Variants in ETV6 observed in about 807,000 individuals in gnomAD.
The protein encoded by ETV6 is ETS variant transcription factor 6.
A neutral mutation model predicts 51.1 loss-of-function variants in ETV6; 16 were observed. The observed-to-expected ratio is 0.31, with a 90% CI of 0.21 to 0.48. The LOEUF is 0.48. ETV6 is among the 20% of genes least tolerant of loss of function. The pLI is 0.99. For missense variants in ETV6, 458 were observed against 594.8 expected (o/e 0.77, Z 2.39); for synonymous variants, 240 against 224.1 (o/e 1.07, Z -0.64).
rs929795075 is a variant in ETV6, at chr12:11,873,580, A to C, written c.1009+3611A>C. The stretch of plus-strand genomic sequence containing the variant: ...GCTGAATGTCAAACTGATGAGTACT[A>C]TAGCTGGAGGGTATAGATGGAAATA... On this transcript the variant is annotated intron_variant, in intron 5 of 7. Coordinates refer to ENST00000396373, the MANE Select transcript of ETV6 (RefSeq NM_001987.5). 3.5e-5 allele frequency among the ~76,000 whole-genome samples: 4 copies of C among 114,522 alleles called. 2 individuals are homozygous for C. Among genetic ancestry groups the C allele is most frequent in the African/African-American group, 1.3e-4 (4 of 29,926 alleles). 75.1% of individuals were successfully genotyped at this position (114,522 alleles called of 152,430 possible). A position where few individuals can be genotyped will look rare whatever the true frequency, so the allele number is the denominator to read the frequency against.
chr12:11,683,020 T>C (rs1358540898), intron 1 of ETV6, among the ~76,000 whole-genome samples: 1 of 152,356 alleles, frequency 6.6e-6, no homozygotes, highest in Admixed American at 6.5e-5. Flanking sequence ...TACTTAAAGA[T>C]TCCTCCTTGA....
At chr12:11,796,651 G>A (rs11831325) in intron 2 of ETV6, among the ~76,000 whole-genome samples, 1,549 of 152,294 alleles carry the variant, frequency 0.01, 27 homozygotes, top group African/African-American at 0.035. Context: ...CTGTCCATGC[G>A]TGGGGCCGAT....
intron 1 of ETV6, among the ~76,000 whole-genome samples, chr12:11,714,788 C>T (rs922503140): frequency 7.9e-5 from 12 of 151,902 alleles, no homozygotes; most frequent in African/African-American, 2.7e-4. Context: ...AGGGCAGGGG[C>T]ATGTGAGTTG....
intron 1 of ETV6, among the ~76,000 whole-genome samples, chr12:11,726,740 A>G (rs1429195258): frequency 6.6e-6 from 1 of 152,230 alleles, no homozygotes; most frequent in Non-Finnish European, 1.5e-5. Context: ...ACTGCACTCC[A>G]GCCTGGGTGA....
chr12:11,791,158 A>G (rs2136386483), intron 2 of ETV6, among the ~76,000 whole-genome samples: 1 of 152,220 alleles, frequency 6.6e-6, no homozygotes, highest in South Asian at 2.1e-4. Flanking sequence ...TGGGTTTGCT[A>G]AGTAAATTAC....
chr12:11,752,751 T>A, intron 2 of ETV6, 172 bp downstream of exon 2: 1 of 677,396 alleles, frequency 1.5e-6, no homozygotes. Context: ...TTGAAAAATT[T>A]GAGGTTCCTG....
At position 11,797,217 on chromosome 12, in the gene ETV6, C is replaced by CAAA. The variant is rs1491265081; in HGVS notation, c.164-41923_164-41922insAAA. 4.7e-3 allele frequency among the ~76,000 whole-genome samples: 710 copies of CAAA among 152,186 alleles called. 8 individuals carry two copies. The highest frequency in any genetic ancestry group is 0.016 in the African/African-American group (669 of 41,506). On this transcript the variant is annotated intron_variant, in intron 2 of 7. Transcript: ENST00000396373. ...CATTATTTTTATTCAGACAGTGTAC[C>CAAA]TAGCAATAGTCCCGGCACTGGGAAC...
chr12:11,838,438 T>G (rs1325954558), intron 2 of ETV6, among the ~76,000 whole-genome samples: 3 of 152,162 alleles, frequency 2.0e-5, no homozygotes, highest in Non-Finnish European at 4.4e-5. Context: ...CCTGCCCACT[T>G]GGTTCCTACT....
At position 11,894,384 on chromosome 12, in the gene ETV6, C is replaced by T. The variant is rs918174718; in HGVS notation, c.*3338C>T. ...ATCAGAAGAAAGCACTGGTAATTGG[C>T]TAGACTGGCTATGTTGAAGGTAACA... On this transcript the variant is annotated 3_prime_UTR_variant, in exon 8 of 8. Transcript: ENST00000396373. 3 of 232,654 alleles carry T rather than the reference C, an allele frequency of 1.3e-5. No individual in the cohort carries two copies. The highest frequency in any genetic ancestry group is 2.5e-5 in the Non-Finnish European group (3 of 117,938). 14.4% of individuals were successfully genotyped at this position (232,654 alleles called of 1,614,324 possible).
intron 1 of ETV6, among the ~76,000 whole-genome samples, chr12:11,682,045 T>C (rs1864540666): frequency 6.6e-6 from 1 of 152,366 alleles, no homozygotes; most frequent in Admixed American, 6.5e-5. Flanking sequence ...TGCATGTGTC[T>C]TTATAGTAGA....
chr12:11,893,534 G>T lies in ETV6; in HGVS notation c.*2488G>T, dbSNP rs1404139202. On this transcript the variant is annotated 3_prime_UTR_variant, in exon 8 of 8. Transcript: ENST00000396373. ...TTTATTTCCCATTCAGATACAGGTT[G>T]AGCATCCCTAATCTGAACAGTTAAA... The T allele has an allele frequency of 4.3e-6, 1 of 231,632 alleles. No individual in the cohort carries two copies. Among genetic ancestry groups the T allele is most frequent in the Non-Finnish European group, 8.5e-6 (1 of 117,210 alleles). 14.3% of individuals were successfully genotyped at this position (231,632 alleles called of 1,614,324 possible).
Position 11,893,179 on chromosome 12 carries a change from GC to G in ETV6, c.*2135del, listed in dbSNP as rs1947321735. 1 of 232,576 alleles carries G rather than the reference GC, an allele frequency of 4.3e-6. No homozygotes were observed. The highest frequency in any genetic ancestry group is 1.8e-4 in the South Asian group (1 of 5,526). 14.4% of individuals were successfully genotyped at this position (232,576 alleles called of 1,614,324 possible). A position where few individuals can be genotyped will look rare whatever the true frequency, so the allele number is the denominator to read the frequency against. On this transcript the variant is annotated 3_prime_UTR_variant, in exon 8 of 8. Transcript: ENST00000396373. ...ATTCTATCTGAAATGCAGAGATTAAGCCAAATACCTGATGTATTGTGAAAGC... is the reference window on the plus strand; with the variant it reads ...ATTCTATCTGAAATGCAGAGATTAAGCAAATACCTGATGTATTGTGAAAGC...
chr12:11,661,391 C>T (rs1185316693), intron 1 of ETV6, among the ~76,000 whole-genome samples: 1 of 152,252 alleles, frequency 6.6e-6, no homozygotes, highest in Non-Finnish European at 1.5e-5. Context: ...CCGTCACTCT[C>T]CTGACTAATA....
chr12:11,791,865 A>T (rs1274316842), intron 2 of ETV6, among the ~76,000 whole-genome samples: 1 of 152,194 alleles, frequency 6.6e-6, no homozygotes, highest in African/African-American at 2.4e-5. Context: ...GGTCGTTTAA[A>T]AAAAAAGATT....
intron 1 of ETV6, among the ~76,000 whole-genome samples, chr12:11,699,732 T>C (rs1455149023): frequency 1.3e-5 from 2 of 151,984 alleles, no homozygotes; most frequent in Admixed American, 1.3e-4. Context: ...CAGCCCCACA[T>C]CCCAAAATGT....
chr12:11,888,584 G>T (rs943870088), intron 7 of ETV6, among the ~76,000 whole-genome samples: 2 of 152,080 alleles, frequency 1.3e-5, no homozygotes, highest in African/African-American at 4.8e-5. Flanking sequence ...TGTATTTTTA[G>T]TGGAGACAGG....
At chr12:11,858,592 C>T (rs1047752944) in intron 4 of ETV6, among the ~76,000 whole-genome samples, 23 of 152,288 alleles carry the variant, frequency 1.5e-4, no homozygotes, top group African/African-American at 5.5e-4. Context: ...ATCCGGATTT[C>T]TCAAACGTTC....
At position 11,885,937 on chromosome 12, in the gene ETV6, C is replaced by T; in HGVS notation, c.1164C>T (p.Asn388=). ...RLWGNHKNRT[N]MTYEKMSRAL... ...CTTTGAACAAACAGAACAGAACAAA[C>T]ATGACCTATGAGAAAATGTCCAGAG... is the stretch of plus-strand genomic sequence containing the variant. The change falls in exon 7 of 8, where the codon AAC becomes AAT. Residue 388 remains asparagine (N), a synonymous_variant. Transcript: ENST00000396373. The T allele has an allele frequency of 6.2e-7, 1 of 1,612,892 alleles. No individual in the cohort carries two copies. The highest frequency in any genetic ancestry group is 8.5e-7 in the Non-Finnish European group (1 of 1,178,878).
Position 11,752,499 on chromosome 12 carries a change from C to A in ETV6, c.83C>A (p.Ala28Asp), listed in dbSNP as rs763230765. 6.2e-7 allele frequency: 1 copy of A among 1,614,018 alleles called. No homozygotes were observed. Among genetic ancestry groups the A allele is most frequent in the South Asian group, 1.1e-5 (1 of 91,076 alleles). Residue 28 changes from alanine (A) to aspartate (D), a missense_variant, in exon 2 of 8, where the codon GCT (alanine) becomes GAT (aspartate). Coordinates refer to ENST00000396373, the MANE Select transcript of ETV6 (RefSeq NM_001987.5). ...TPPESPVPSY[A>D]SSTPLHVPVP... ...CCAGAGAGCCCAGTGCCGAGTTACG[C>A]TTCCTCGACGCCACTTCATGTTCCA...
Sources: allele counts gnomAD v4.1 joint callset (sites outside exome capture counted in the v4.1 genomes callset), GRCh38; gene constraint gnomAD v4.1.1; transcripts MANE v1.5; gene names NCBI Gene and HGNC (gene_info 2026-07-23, HGNC 2026-07-21).